The following IL16 variants were observed in gnomAD, a reference collection of about 807,000 sequenced individuals.
IL16 encodes the protein interleukin 16.
Under a neutral mutation model 110.1 loss-of-function variants are expected in IL16, and 67 were observed. The ratio of observed to expected loss-of-function variants is 0.61; its 90% CI spans 0.50 to 0.75. The LOEUF is 0.75. Ranked by LOEUF, IL16 falls within the 30% of genes least tolerant of loss-of-function variation. The pLI is 0.00. For missense variants in IL16, 1,545 were observed against 1,655.0 expected, an observed-to-expected ratio of 0.93 and a Z score of 1.15; for synonymous variants, 689 against 662.9, an observed-to-expected ratio of 1.04 and a Z score of -0.61.
intron 1 of IL16, among the ~76,000 whole-genome samples, chr15:81,205,937 A>G (rs1595945258): frequency 6.6e-6 from 1 of 152,224 alleles, no homozygotes; most frequent in Non-Finnish European, 1.5e-5. Context: ...TTACAAAATG[A>G]TAAAAAGAGC....
chr15:81,285,021 G>A (rs67853122), intron 9 of IL16, among the ~76,000 whole-genome samples: 24,107 of 151,978 alleles, frequency 0.16, 2,279 homozygotes, highest in Middle Eastern at 0.24. Flanking sequence ...TATCTAGGTC[G>A]GGAAGGGGAC....
chr15:81,209,529 T>C (rs1029883187), intron 1 of IL16, among the ~76,000 whole-genome samples: 1 of 152,046 alleles, frequency 6.6e-6, no homozygotes, highest in Non-Finnish European at 1.5e-5. Context: ...TGAGCTCTCT[T>C]GTTCTTTTTT....
At chr15:81,282,016 C>A (rs564269806) in intron 8 of IL16, among the ~76,000 whole-genome samples, 2 of 152,316 alleles carry the variant, frequency 1.3e-5, no homozygotes, top group South Asian at 4.1e-4. Flanking sequence ...CTATGGCATC[C>A]CTTCTCAGTA....
intron 2 of IL16, among the ~76,000 whole-genome samples, chr15:81,237,696 T>C (rs11853619): frequency 0.24 from 35,944 of 152,020 alleles, 4,920 homozygotes; most frequent in African/African-American, 0.37. Flanking sequence ...TATACTTTAT[T>C]ATACCTGTTT....
intron 2 of IL16, among the ~76,000 whole-genome samples, chr15:81,235,679 T>G (rs939706013): frequency 6.6e-6 from 1 of 152,176 alleles, no homozygotes; most frequent in Non-Finnish European, 1.5e-5. Flanking sequence ...AAAGTAGACC[T>G]GGAACCCCAT....
chr15:81,270,358 A>C (rs72746155), intron 5 of IL16, among the ~76,000 whole-genome samples: 30,282 of 152,130 alleles, frequency 0.2, 3,150 homozygotes, highest in Middle Eastern at 0.26. Flanking sequence ...AAGTAATGAA[A>C]GGGTGGTTTC....
At chr15:81,258,756 G>GCTCT (rs373777676) in intron 2 of IL16, among the ~76,000 whole-genome samples, 41 of 147,340 alleles carry the variant, frequency 2.8e-4, no homozygotes, top group African/African-American at 1.0e-3. Flanking sequence ...TCTGTCACTC[G>GCTCT]CTCTCTCTCT....
At chr15:81,218,841 A>G (rs935548950) in intron 1 of IL16, among the ~76,000 whole-genome samples, 8 of 152,188 alleles carry the variant, frequency 5.3e-5, no homozygotes. Context: ...ATGGTATTCC[A>G]TCATACAAAT....
rs535702485 is a variant in IL16 at position 81,216,673 on chromosome 15, C to G, written c.-101-8626C>G. Among the ~76,000 whole-genome samples, 632 of 146,510 alleles carry G rather than the reference C, an allele frequency of 4.3e-3. 12 individuals carry two copies. Among genetic ancestry groups the G allele is most frequent in the Admixed American group, 0.027 (407 of 14,850 alleles). On this transcript the variant is annotated intron_variant, in intron 1 of 18. Coordinates refer to ENST00000683961, the MANE Select transcript of IL16 (RefSeq NM_172217.5). ...GCAGCAGCAGCAGCAGCAGCAGCAG[C>G]AGGAGGAGGAAGACAGCAATGATGA...
intron 11 of IL16, among the ~76,000 whole-genome samples, chr15:81,291,270 T>A (rs1470906142): frequency 6.6e-6 from 1 of 152,246 alleles, no homozygotes; most frequent in Non-Finnish European, 1.5e-5. Context: ...TCTGGTTTAT[T>A]ATTTCTACCC....
intron 2 of IL16, among the ~76,000 whole-genome samples, chr15:81,241,282 C>T (rs1334203055): frequency 6.6e-6 from 1 of 151,680 alleles, no homozygotes; most frequent in African/African-American, 2.4e-5. Context: ...TTATTTGAGG[C>T]CCTTTGCTTC....
chr15:81,290,035 G>C (rs1464206730), intron 10 of IL16: 1 of 357,760 alleles, frequency 2.8e-6, no homozygotes, highest in African/African-American at 2.1e-5. Context: ...ACTCCAAAGT[G>C]ATAATAAACT....
intron 6 of IL16, among the ~76,000 whole-genome samples, chr15:81,276,756 A>G (rs1898929297): frequency 6.6e-6 from 1 of 152,228 alleles, no homozygotes; most frequent in Non-Finnish European, 1.5e-5. Flanking sequence ...GGGGTGCCAA[A>G]TGGAAATAAA....
chr15:81,274,648 G>C (rs1310044668), intron 6 of IL16, among the ~76,000 whole-genome samples: 3 of 152,224 alleles, frequency 2.0e-5, no homozygotes, highest in Non-Finnish European at 4.4e-5. Context: ...TTCAGAGAAA[G>C]TGCTCCCTGT....
chr15:81,235,888 T>C (rs768760872), intron 2 of IL16, among the ~76,000 whole-genome samples: 50 of 152,168 alleles, frequency 3.3e-4, no homozygotes, highest in Admixed American at 6.5e-4. Flanking sequence ...ACACTGAATA[T>C]TGCTTTGGGC....
chr15:81,256,519 G>A (rs1204316474), intron 2 of IL16, among the ~76,000 whole-genome samples: 3 of 151,892 alleles, frequency 2.0e-5, no homozygotes, highest in Non-Finnish European at 4.4e-5. Flanking sequence ...ATTTTTAGTA[G>A]AGACAGGGTT....
chr15:81,232,592 T>G (rs1897047025), intron 2 of IL16, among the ~76,000 whole-genome samples: 2 of 152,190 alleles, frequency 1.3e-5, no homozygotes, highest in South Asian at 4.1e-4. Context: ...TGAAATGATT[T>G]TTTCCTGCAT....
chr15:81,257,495 T>G (rs954664657), intron 2 of IL16, among the ~76,000 whole-genome samples: 3 of 152,112 alleles, frequency 2.0e-5, no homozygotes, highest in Admixed American at 6.5e-5. Flanking sequence ...CACGACAAAG[T>G]GCAGGTGAGA....
intron 2 of IL16, among the ~76,000 whole-genome samples, chr15:81,247,229 T>C (rs978044355): frequency 6.6e-6 from 1 of 152,030 alleles, no homozygotes; most frequent in African/African-American, 2.4e-5. Context: ...TTTATCGTTT[T>C]CTCTACTTTC....
Sources: allele counts gnomAD v4.1 joint callset (sites outside exome capture counted in the v4.1 genomes callset), GRCh38; gene constraint gnomAD v4.1.1; transcripts MANE v1.5; gene names NCBI Gene and HGNC (gene_info 2026-07-23, HGNC 2026-07-21).